The following MAEL variants were observed in gnomAD, a reference collection of about 807,000 sequenced individuals.
MAEL encodes protein maelstrom homolog.
A neutral mutation model predicts 62.0 loss-of-function variants in MAEL; 46 were observed. The ratio of observed to expected loss-of-function variants is 0.74; its 90% CI spans 0.59 to 0.95. The LOEUF is 0.95. MAEL is among the 40% of genes least tolerant of loss of function. The pLI, the probability that MAEL is intolerant of heterozygous loss-of-function variation, is 0.00. For synonymous variants in MAEL, 172 were observed against 175.5 expected (o/e 0.98, Z 0.16); for missense variants, 497 against 526.8 (o/e 0.94, Z 0.55).
chr1:167,006,834 C>T (rs938635655), intron 8 of MAEL, among the ~76,000 whole-genome samples: 5 of 151,554 alleles, frequency 3.3e-5, no homozygotes, highest in African/African-American at 1.2e-4. Context: ...TGTGGTTTCA[C>T]CATGTTGGCC....
upstream of MAEL, among the ~76,000 whole-genome samples, chr1:166,984,217 A>T (rs532221771): frequency 1.1e-4 from 17 of 152,188 alleles, no homozygotes; most frequent in Admixed American, 3.3e-4. Flanking sequence ...TCCATTAGCT[A>T]GTTCTATTTT....
In MAEL at chr1:167,021,144, A is replaced by G; in HGVS notation, c.1101A>G (p.Arg367=). 1.9e-6 allele frequency: 3 copies of G among 1,612,094 alleles called. No individual in the cohort carries two copies. The change falls in exon 11 of 12, where the codon AGA becomes AGG. Residue 367 remains arginine (R), a synonymous_variant. Coordinates refer to ENST00000367872, the MANE Select transcript of MAEL (RefSeq NM_032858.3). ...TCAACTCTTCTAATGAGGAACAAAG[A>G]TCAAACACACCCATTGGTAAGCAAC... ...SHFNSSNEEQ[R]SNTPIGDYPS... is the part of the protein sequence containing the mutation.
At chr1:166,989,223 G>A (rs150046632), upstream of MAEL, 971 of 1,245,090 alleles carry the variant, frequency 7.8e-4, 10 homozygotes, top group African/African-American at 0.012. Flanking sequence ...GCGACTGCGC[G>A]TCGCTTCCTG....
In MAEL at chr1:167,005,086, G is replaced by T. The variant is rs1664835998; in HGVS notation, c.659G>T (p.Arg220Ile). The change falls in exon 7 of 12, where the codon AGA (arginine) becomes ATA (isoleucine). Residue 220 changes from arginine to isoleucine, a missense_variant. Coordinates refer to ENST00000367872, the MANE Select transcript of MAEL (RefSeq NM_032858.3). Reference sequence around the variant, plus strand: ...TTTTGCTTTCTCCAGTCTGATGATAGAACCAGAGTCAACTGGTGTTTGAAG... The same window carrying T: ...TTTTGCTTTCTCCAGTCTGATGATATAACCAGAGTCAACTGGTGTTTGAAG... ...WPPIYCKSDDRTRVNWCLKHM... is the reference protein window; with the variant it reads ...WPPIYCKSDDITRVNWCLKHM... 6.2e-7 allele frequency: 1 copy of T among 1,613,344 alleles called. No individual in the cohort carries two copies. Among genetic ancestry groups the T allele is most frequent in the Non-Finnish European group, 8.5e-7 (1 of 1,179,644 alleles).
intron 2 of MAEL, chr1:166,990,809 T>C (rs1664138943): frequency 1.3e-5 from 2 of 152,368 alleles, no homozygotes; most frequent in South Asian, 2.1e-4. Flanking sequence ...CTTTGTTTTT[T>C]CCATTCTTAC....
intron 1 of MAEL, among the ~76,000 whole-genome samples, chr1:166,982,886 G>A (rs1012079678): frequency 3.9e-5 from 6 of 152,068 alleles, no homozygotes; most frequent in African/African-American, 1.4e-4. Flanking sequence ...TTTTGCACTT[G>A]CTATTCTTTC....
chr1:167,013,981 C>CTG lies in MAEL; in HGVS notation c.846-2240_846-2239dup, dbSNP rs556341039. Among the ~76,000 whole-genome samples the CTG allele has an allele frequency of 2.3e-3, 344 of 152,258 alleles. 4 individuals carry two copies. Among genetic ancestry groups the CTG allele is most frequent in the African/African-American group, 7.9e-3 (328 of 41,554 alleles). ...CAGCCTCATGTCTTCTCTTTCTGCT[C>CTG]TGAGTAGAGACATGTTCACAAGTCC... On this transcript the variant is annotated intron_variant, in intron 8 of 11. Transcript: ENST00000367872.
At position 167,022,074 on chromosome 1, in the gene MAEL, G is replaced by T. The variant is rs1217796014; in HGVS notation, c.*219G>T. The T allele has an allele frequency of 2.1e-6, 1 of 476,360 alleles. No homozygotes were observed. Among genetic ancestry groups the T allele is most frequent in the African/African-American group, 2.0e-5 (1 of 51,002 alleles). The allele number at this position is 476,360 out of a possible 1,614,324, so 29.5% of individuals were successfully genotyped here. ...GGATTGTTCTGCTTCCTGGCTGTAT[G>T]ATGGGTATATCATTAAAGTTTGGAG... On this transcript the variant is annotated 3_prime_UTR_variant, in exon 12 of 12. Transcript: ENST00000367872.
chr1:167,003,070 G>T (rs985206363), intron 5 of MAEL, among the ~76,000 whole-genome samples: 2 of 152,104 alleles, frequency 1.3e-5, no homozygotes, highest in African/African-American at 4.8e-5. Context: ...ATTAGAAGTT[G>T]AACAACTCCT....
chr1:167,006,600 A>AAT (rs1268446290), intron 8 of MAEL, among the ~76,000 whole-genome samples: 1 of 45,996 alleles, frequency 2.2e-5, no homozygotes, highest in Non-Finnish European at 4.2e-5. Flanking sequence ...CTGGTTTTTT[A>AAT]CTATATATAT....
intron 1 of MAEL, 122 bp from the exon 2 acceptor site, chr1:166,989,615 G>T: frequency 1.4e-6 from 2 of 1,472,560 alleles, no homozygotes; most frequent in Admixed American, 2.1e-5. Flanking sequence ...GCCCCCGTTT[G>T]TGGCCCTGGG....
In MAEL at chr1:167,005,423, G is replaced by C. The variant is rs776235238; in HGVS notation, c.845+26G>C. The C allele has an allele frequency of 2.6e-5, 41 of 1,572,934 alleles. 1 individual carries two copies. In the Admixed American group the frequency reaches 3.0e-4, roughly 12 times the overall value. On this transcript the variant is annotated intron_variant, in intron 8 of 11. Transcript: ENST00000367872. The stretch of plus-strand genomic sequence containing the variant: ...GTATTGCTAGCATTTTTGTTTTAGA[G>C]TCATTTTGACTTATTTTCTAGACTG...
At chr1:167,011,134 T>C (rs1290353719) in intron 8 of MAEL, among the ~76,000 whole-genome samples, 1 of 152,200 alleles carries the variant, frequency 6.6e-6, no homozygotes, top group Non-Finnish European at 1.5e-5. Context: ...GGCTTCCTCA[T>C]TGTAAGAATG....
intron 8 of MAEL, among the ~76,000 whole-genome samples, chr1:167,007,644 C>G (rs1209232738): frequency 6.6e-6 from 1 of 151,512 alleles, no homozygotes; most frequent in Admixed American, 6.6e-5. Context: ...CTAGGTCTCT[C>G]AATCTTTTTA....
chr1:166,982,045 C>T lies in MAEL; in HGVS notation c.-121+6379C>T, dbSNP rs113646966. Among the ~76,000 whole-genome samples the T allele has an allele frequency of 6.3e-3, 953 of 152,106 alleles. 4 individuals carry two copies. Among genetic ancestry groups the T allele is most frequent in the African/African-American group, 0.021 (858 of 41,484 alleles). ...AACAAGCACCTAACAAGGGGCAGCA[C>T]GAAGAGAATGCTAACATCAATTGAG... On this transcript the variant is annotated intron_variant, in intron 1 of 12. Transcript: ENST00000622874.
intron 5 of MAEL, among the ~76,000 whole-genome samples, chr1:166,994,971 G>GTAA (rs1664352651): frequency 7.3e-6 from 1 of 137,326 alleles, no homozygotes; most frequent in Non-Finnish European, 1.6e-5. Context: ...TGCCCACCCA[G>GTAA]TAATTTTTTT....
chr1:166,985,756 A>T (rs1311242737), upstream of MAEL, among the ~76,000 whole-genome samples: 1 of 152,218 alleles, frequency 6.6e-6, no homozygotes, highest in East Asian at 1.9e-4. Flanking sequence ...ATTTACAATG[A>T]CCAGCATCCA....
At chr1:166,991,914 C>T (rs932497079) in intron 3 of MAEL, among the ~76,000 whole-genome samples, 7 of 152,110 alleles carry the variant, frequency 4.6e-5, no homozygotes, top group Admixed American at 6.6e-5. Context: ...TGTTAATGAG[C>T]TTGATTTAAT....
rs1357367386 is a variant in MAEL, at chr1:167,005,328, AG to A, written c.778del (p.Glu260SerfsTer11). ...VVGIYQQKFL[K>X]EPSKTWIRSL... ...GGGATCTACCAACAAAAATTTCTCA[AG>A]GAGCCCTCTAAGACTTGGATTCGAA... On this transcript the variant is annotated frameshift_variant, in exon 8 of 12. Transcript: ENST00000367872. LOFTEE classifies it high-confidence loss of function. 1.2e-6 allele frequency: 2 copies of A among 1,613,640 alleles called. No individual in the cohort carries two copies. The highest frequency in any genetic ancestry group is 2.7e-5 in the African/African-American group (2 of 74,896).
Sources: allele counts gnomAD v4.1 joint callset (sites outside exome capture counted in the v4.1 genomes callset), GRCh38; gene constraint gnomAD v4.1.1; transcripts MANE v1.5; gene names NCBI Gene and HGNC (gene_info 2026-07-23, HGNC 2026-07-21).